The following ZFP42 variants were observed in gnomAD, a reference collection of about 807,000 sequenced individuals.
The protein encoded by ZFP42 is ZFP42 zinc finger protein, also known as zinc finger protein 42 homolog.
For synonymous variants in ZFP42, 175 were observed against 144.6 expected (o/e 1.21, Z -1.51); for missense variants, 438 against 377.1 (o/e 1.16, Z -1.34).
intron 1 of ZFP42, among the ~76,000 whole-genome samples, chr4:187,996,309 CTTTTCTT>C (rs1044916442): frequency 2.6e-5 from 4 of 151,366 alleles, no homozygotes; most frequent in African/African-American, 9.8e-5. Context: ...GAGACTCTTT[CTTTTCTT>C]TTTTCTTTTT....
intron 1 of ZFP42, among the ~76,000 whole-genome samples, chr4:187,998,126 C>T (rs1182608566): frequency 6.6e-6 from 1 of 152,098 alleles, no homozygotes; most frequent in Non-Finnish European, 1.5e-5. Flanking sequence ...CGCCTGAGGT[C>T]GGGAGTTGGA....
Position 188,003,584 on chromosome 4 carries a change from C to CT in ZFP42, c.780dup (p.Asn261Ter). 7.4e-6 allele frequency: 12 copies of CT among 1,613,578 alleles called. No homozygotes were observed. Among genetic ancestry groups the CT allele is most frequent in the Non-Finnish European group, 1.0e-5 (12 of 1,180,036 alleles). On this transcript the variant is annotated frameshift_variant, in exon 4 of 4. Coordinates refer to ENST00000326866, the MANE Select transcript of ZFP42 (RefSeq NM_174900.5). LOFTEE classifies it low-confidence loss of function (END_TRUNC). Reference sequence around the variant, plus strand: ...GGTGCGGAAAGCGCTTCTCTCTGGACTTTAATTTGCGTACGCACGTGCGCA... The same window carrying CT: ...GGTGCGGAAAGCGCTTCTCTCTGGACTTTTAATTTGCGTACGCACGTGCGCA...
At chr4:187,996,777 C>G (rs927702450) in intron 1 of ZFP42, among the ~76,000 whole-genome samples, 4 of 152,162 alleles carry the variant, frequency 2.6e-5, no homozygotes, top group African/African-American at 9.7e-5. Flanking sequence ...ATTCCCAAAT[C>G]TAATAGATTT....
intron 1 of ZFP42, among the ~76,000 whole-genome samples, chr4:187,997,014 G>GTGGAGCA (rs1294153935): frequency 3.9e-4 from 9 of 23,090 alleles, no homozygotes; most frequent in Admixed American, 9.4e-4. Flanking sequence ...AGCGTGGAGC[G>GTGGAGCA]TGGAGCATGG....
At position 188,003,635 on chromosome 4, in the gene ZFP42, G is replaced by T; in HGVS notation, c.828G>T (p.Val276=). The T allele has an allele frequency of 6.2e-7, 1 of 1,613,506 alleles. No individual in the cohort carries two copies. The highest frequency in any genetic ancestry group is 8.5e-7 in the Non-Finnish European group (1 of 1,179,980). The change falls in exon 4 of 4, where the codon GTG becomes GTT. Residue 276 remains valine (V), a synonymous_variant. Transcript: ENST00000326866. ...VRIHTGEKRF[V]CPFQGCNRRF... is the part of the protein sequence containing the mutation. ...TCCACACGGGGGAGAAACGTTTCGT[G>T]TGTCCCTTTCAAGGCTGCAACAGGA...
intron 3 of ZFP42, among the ~76,000 whole-genome samples, chr4:188,001,380 C>A (rs1733814808): frequency 6.6e-6 from 1 of 152,136 alleles, no homozygotes; most frequent in South Asian, 2.1e-4. Context: ...TTTATAACGT[C>A]ATTGCTGTTA....
chr4:187,997,225 A>ATTTTTTTTTTTTTTTTTT (rs1484017532), intron 1 of ZFP42, among the ~76,000 whole-genome samples: 1 of 36,500 alleles, frequency 2.7e-5, no homozygotes, highest in African/African-American at 1.7e-4. Flanking sequence ...CCCCTCTCAT[A>ATTTTTTTTTTTTTTTTTT]TTCTTTTTTT....
chr4:188,000,860 G>T (rs1428982875), intron 3 of ZFP42, among the ~76,000 whole-genome samples: 2 of 152,004 alleles, frequency 1.3e-5, no homozygotes, highest in Non-Finnish European at 2.9e-5. Flanking sequence ...GGCGGGGCGG[G>T]GGGGCGCCTG....
At chr4:187,999,845 CCT>C (rs1308798432) in intron 3 of ZFP42, among the ~76,000 whole-genome samples, 160 bp downstream of exon 3, 1 of 152,114 alleles carries the variant, frequency 6.6e-6, no homozygotes, top group African/African-American at 2.4e-5. Flanking sequence ...GGGAAGCAAG[CCT>C]CTGTGTGTGT....
At position 188,003,779 on chromosome 4, in the gene ZFP42, C is replaced by A; in HGVS notation, c.*39C>A. Reference sequence around the variant, plus strand: ...TGAAGCAGATTAACAGAAGAGTGATCAGTGACAAACATGCCTCATTGATTA... The same window carrying A: ...TGAAGCAGATTAACAGAAGAGTGATAAGTGACAAACATGCCTCATTGATTA... On this transcript the variant is annotated 3_prime_UTR_variant, in exon 4 of 4. Transcript: ENST00000326866. 6.5e-7 allele frequency: 1 copy of A among 1,537,464 alleles called. No individual in the cohort carries two copies. The highest frequency in any genetic ancestry group is 1.2e-5 in the South Asian group (1 of 81,376).
chr4:188,002,736 C>T lies in ZFP42; in HGVS notation c.-72C>T. On this transcript the variant is annotated 5_prime_UTR_variant, in exon 4 of 4. Transcript: ENST00000326866. Reference sequence around the variant, plus strand: ...AGGTGTTTGCTGAAGACAGCTTACTCAGATCACTACTGCCTGGAGGTGGTT... The same window carrying T: ...AGGTGTTTGCTGAAGACAGCTTACTTAGATCACTACTGCCTGGAGGTGGTT... 1 of 1,302,626 alleles carries T rather than the reference C, an allele frequency of 7.7e-7. No homozygotes were observed. The highest frequency in any genetic ancestry group is 1.1e-6 in the Non-Finnish European group (1 of 927,094). 80.7% of individuals were successfully genotyped at this position (1,302,626 alleles called of 1,614,324 possible).
chr4:187,999,586 T>C (rs945535508), intron 2 of ZFP42, 23 bp from the exon 3 acceptor site: 1 of 152,262 alleles, frequency 6.6e-6, no homozygotes, highest in Non-Finnish European at 1.5e-5. Context: ...GACTAATGCA[T>C]ACTCATGATT....
intron 1 of ZFP42, among the ~76,000 whole-genome samples, chr4:187,998,735 G>A (rs2111176996): frequency 6.6e-6 from 1 of 152,234 alleles, no homozygotes; most frequent in South Asian, 2.1e-4. Context: ...GTGTAACCTG[G>A]GTGAGTTGCA....
chr4:188,002,939 C>T lies in ZFP42; in HGVS notation c.132C>T (p.Ser44=), dbSNP rs372412310. Residue 44 remains serine (S), a synonymous_variant, in exon 4 of 4, where the codon AGC becomes AGT. Coordinates refer to ENST00000326866, the MANE Select transcript of ZFP42 (RefSeq NM_174900.5). The part of the protein sequence containing the change: ...QDLQAEIEPV[S]AVWALCDGYV... ...TGCAGGCGGAAATAGAACCTGTCAGCGCGGTGTGGGCCTTATGTGATGGCT... is the reference window on the plus strand; with the variant it reads ...TGCAGGCGGAAATAGAACCTGTCAGTGCGGTGTGGGCCTTATGTGATGGCT... 3.1e-6 allele frequency: 5 copies of T among 1,614,032 alleles called. No homozygotes were observed. The African/African-American group carries it at 5.3e-5, about 17-fold the overall frequency.
At chr4:188,002,462 T>C (rs1251498109) in intron 3 of ZFP42, among the ~76,000 whole-genome samples, 2 of 152,192 alleles carry the variant, frequency 1.3e-5, no homozygotes, top group Non-Finnish European at 1.5e-5. Flanking sequence ...TAGCCTAAAA[T>C]AGAGCTAGCA....
chr4:187,997,228 C>CTTTTTTTTTTTGTTTTTTTT (rs1733630688), intron 1 of ZFP42, among the ~76,000 whole-genome samples: 1 of 60,030 alleles, frequency 1.7e-5, no homozygotes, highest in Non-Finnish European at 2.7e-5. Flanking sequence ...CTCTCATATT[C>CTTTTTTTTTTTGTTTTTTTT]TTTTTTTTTT....
At position 188,003,842 on chromosome 4, in the gene ZFP42, C is replaced by A; in HGVS notation, c.*102C>A. 8.1e-7 allele frequency: 1 copy of A among 1,239,612 alleles called. No individual in the cohort carries two copies. Among genetic ancestry groups the A allele is most frequent in the Non-Finnish European group, 1.1e-6 (1 of 903,304 alleles). 76.8% of individuals were successfully genotyped at this position (1,239,612 alleles called of 1,614,324 possible). On this transcript the variant is annotated 3_prime_UTR_variant, in exon 4 of 4. Transcript: ENST00000326866. ...AGGAATTTCTAAATCAATATTGCAA[C>A]CCCAAAAGCGGTTATAATTTGGTGT...
Position 188,003,187 on chromosome 4 carries a change from TAAAG to T in ZFP42, c.386_389del (p.Lys129SerfsTer6). 1 of 1,613,714 alleles carries T rather than the reference TAAAG, an allele frequency of 6.2e-7. No individual in the cohort carries two copies. The highest frequency in any genetic ancestry group is 8.5e-7 in the Non-Finnish European group (1 of 1,179,968). On this transcript the variant is annotated frameshift_variant, in exon 4 of 4. Transcript: ENST00000326866. LOFTEE classifies it low-confidence loss of function (END_TRUNC). ...TCTTTGGAATACATGAAAAAAGGGGTAAAGAAAGAGCTTCCACAAAAGATAGTTG... is the reference window on the plus strand; with the variant it reads ...TCTTTGGAATACATGAAAAAAGGGGTAAAGAGCTTCCACAAAAGATAGTTG...
intron 2 of ZFP42, among the ~76,000 whole-genome samples, 165 bp downstream of exon 2, chr4:187,999,438 A>G (rs1393785148): frequency 6.6e-6 from 1 of 152,082 alleles, no homozygotes; most frequent in Non-Finnish European, 1.5e-5. Context: ...GGCCTTAGGA[A>G]ATTCCTTTCT....
Sources: gnomAD v4.1 joint callset for allele counts (sites outside exome capture counted in the v4.1 genomes callset) on GRCh38, gnomAD v4.1.1 for gene constraint, MANE v1.5 for transcripts, NCBI Gene and HGNC (gene_info 2026-07-23, HGNC 2026-07-21) for gene names.